The following DCDC1 variants were observed in gnomAD, a reference collection of about 807,000 sequenced individuals.
DCDC1 encodes the protein doublecortin domain-containing protein 1.
DCDC1 carries 200 observed loss-of-function variants against 178.3 expected under a neutral mutation model. The ratio of observed to expected loss-of-function variants is 1.12; its 90% confidence interval spans 1.00 to 1.26. DCDC1 has a LOEUF of 1.26. Ranked by LOEUF, DCDC1 falls within the 50% of genes most tolerant of loss-of-function variation. The probability of loss-of-function intolerance (pLI) is 0.00; values close to 1 mark genes in which losing one functional copy is unlikely to be tolerated. For synonymous variants in DCDC1, 690 were observed against 604.8 expected (o/e 1.14, Z -2.07); for missense variants, 1,983 against 1,749.2 (o/e 1.13, Z -2.38).
chr11:31,020,475 T>C (rs1952794842), intron 20 of DCDC1, among the ~76,000 whole-genome samples: 1 of 152,174 alleles, frequency 6.6e-6, no homozygotes, highest in South Asian at 2.1e-4. Context: ...TTAGATCAAC[T>C]CTCCCCCATC....
chr11:31,202,439 C>T (rs551489206), intron 9 of DCDC1, among the ~76,000 whole-genome samples: 1 of 151,830 alleles, frequency 6.6e-6, no homozygotes, highest in African/African-American at 2.4e-5. Context: ...ACTGTGGTGG[C>T]ATTTGCTTGT....
Position 30,903,604 on chromosome 11 carries a change from A to G in DCDC1, c.4388T>C (p.Phe1463Ser). ...KVYTKDGTPI[F>S]TLRDLVLWAL... ...CCATAAAACCAAATCACGCAAGGTA[A>G]AGATTGGGGTTCCATCTTTGGTATA... Residue 1463 changes from phenylalanine to serine, a missense_variant, in exon 32 of 39, where the codon TTT becomes TCT. By Grantham distance (155) the Phe-to-Ser change is radical. Coordinates refer to ENST00000684477, the MANE Select transcript of DCDC1 (RefSeq NM_001387274.1). 1 of 1,611,220 alleles carries G rather than the reference A, an allele frequency of 6.2e-7. No homozygotes were observed. The highest frequency in any genetic ancestry group is 1.1e-5 in the South Asian group (1 of 90,286).
intron 9 of DCDC1, among the ~76,000 whole-genome samples, chr11:31,139,839 C>A (rs1332744704): frequency 6.6e-6 from 1 of 151,966 alleles, no homozygotes; most frequent in Non-Finnish European, 1.5e-5. Flanking sequence ...GGAAAACAGA[C>A]CAATGCTACT....
chr11:31,284,974 G>A (rs1946710300), intron 7 of DCDC1, among the ~76,000 whole-genome samples: 1 of 151,934 alleles, frequency 6.6e-6, no homozygotes. Context: ...ATAATATTAA[G>A]GACTATCCTT....
At chr11:31,052,775 C>A (rs1429870249) in intron 20 of DCDC1, among the ~76,000 whole-genome samples, 1 of 152,118 alleles carries the variant, frequency 6.6e-6, no homozygotes, top group Non-Finnish European at 1.5e-5. Flanking sequence ...TTTAAACATT[C>A]TTTGAGCTGA....
intron 9 of DCDC1, among the ~76,000 whole-genome samples, chr11:31,201,813 G>A (rs1343098076): frequency 2.6e-5 from 4 of 152,048 alleles, no homozygotes; most frequent in Admixed American, 1.3e-4. Context: ...AAGACAGTTG[G>A]GAGGAAAGAA....
At chr11:31,019,802 T>G (rs1164888136) in intron 20 of DCDC1, among the ~76,000 whole-genome samples, 1 of 152,160 alleles carries the variant, frequency 6.6e-6, no homozygotes, top group East Asian at 1.9e-4. Flanking sequence ...CTTTTCTGTA[T>G]TTAGAATAAA....
intron 9 of DCDC1, among the ~76,000 whole-genome samples, chr11:31,146,328 T>G (rs1032663957): frequency 3.9e-5 from 6 of 152,104 alleles, no homozygotes; most frequent in Non-Finnish European, 8.8e-5. Flanking sequence ...TCAGGTGATC[T>G]GCCCACCTTG....
At position 30,878,680 on chromosome 11, in the gene DCDC1, A is replaced by G. The variant is rs1942365962; in HGVS notation, c.5265T>C (p.Asn1755=). 1.2e-6 allele frequency: 2 copies of G among 1,606,390 alleles called. No individual in the cohort carries two copies. The highest frequency in any genetic ancestry group is 1.7e-6 in the Non-Finnish European group (2 of 1,176,826). Residue 1755 remains asparagine, a synonymous_variant, in exon 38 of 39, where the codon AAT becomes AAC. Coordinates refer to ENST00000684477, the MANE Select transcript of DCDC1 (RefSeq NM_001387274.1). ...CCTGCTGCCTTCGGATTCTGGCATAATTTGCTCTGATCTCCATCAGTTGTT... is the reference window on the plus strand; with the variant it reads ...CCTGCTGCCTTCGGATTCTGGCATAGTTTGCTCTGATCTCCATCAGTTGTT... ...ELKQLMEIRA[N]YARIRRQQGP...
At chr11:30,905,913 C>A (rs1445522945) in intron 30 of DCDC1, among the ~76,000 whole-genome samples, 1 of 152,144 alleles carries the variant, frequency 6.6e-6, no homozygotes. Flanking sequence ...AAGAGCACAC[C>A]AGACTGGAAG....
At chr11:31,249,529 C>T (rs1480174116) in intron 8 of DCDC1, among the ~76,000 whole-genome samples, 1 of 152,084 alleles carries the variant, frequency 6.6e-6, no homozygotes, top group East Asian at 1.9e-4. Flanking sequence ...CTAGAAGACC[C>T]TGAGGACCAT....
At chr11:30,945,200 C>T (rs373885206) in intron 21 of DCDC1, among the ~76,000 whole-genome samples, 3 of 151,598 alleles carry the variant, frequency 2.0e-5, no homozygotes, top group African/African-American at 7.3e-5. Flanking sequence ...AACTCCTGAC[C>T]TCATGATCTG....
chr11:30,866,663 G>A (rs928389083), intron 38 of DCDC1, among the ~76,000 whole-genome samples: 8 of 152,136 alleles, frequency 5.3e-5, no homozygotes, highest in Non-Finnish European at 1.0e-4. Context: ...AATCAGTGCT[G>A]CCAACACCTT....
In DCDC1 at chr11:30,903,626, T is replaced by C. The variant is rs1944860174; in HGVS notation, c.4366A>G (p.Thr1456Ala). ...GLARAASKVY[T>A]KDGTPIFTLR... ...GTAAAGATTGGGGTTCCATCTTTGGTATATACTTTGGAGGCTGCTCTGGCA... is the reference window on the plus strand; with the variant it reads ...GTAAAGATTGGGGTTCCATCTTTGGCATATACTTTGGAGGCTGCTCTGGCA... The change falls in exon 32 of 39, where the codon ACC (threonine) becomes GCC (alanine). Residue 1456 changes from threonine (T) to alanine (A), a missense_variant. Coordinates refer to ENST00000684477, the MANE Select transcript of DCDC1 (RefSeq NM_001387274.1). The C allele has an allele frequency of 6.2e-7, 1 of 1,611,434 alleles. No homozygotes were observed. The highest frequency in any genetic ancestry group is 1.7e-5 in the Admixed American group (1 of 59,688).
chr11:31,232,198 C>T (rs761414870), intron 9 of DCDC1, among the ~76,000 whole-genome samples: 5 of 152,148 alleles, frequency 3.3e-5, no homozygotes, highest in East Asian at 1.9e-4. Context: ...CCAGATCATG[C>T]CCCCAACATG....
At chr11:31,107,381 C>A (rs1410073984) in intron 12 of DCDC1, among the ~76,000 whole-genome samples, 2 of 152,158 alleles carry the variant, frequency 1.3e-5, no homozygotes, top group African/African-American at 2.4e-5. Context: ...CTGTCCCCAG[C>A]AAATCTCAGG....
intron 1 of DCDC1, among the ~76,000 whole-genome samples, chr11:31,356,881 A>C (rs1951404589): frequency 6.6e-6 from 1 of 152,132 alleles, no homozygotes; most frequent in Non-Finnish European, 1.5e-5. Flanking sequence ...CCCAAGACTA[A>C]ACCAGGAAGA....
chr11:31,200,237 T>C (rs1971130505), intron 9 of DCDC1, among the ~76,000 whole-genome samples: 1 of 152,086 alleles, frequency 6.6e-6, no homozygotes, highest in Admixed American at 6.6e-5. Flanking sequence ...TAAAACTGTC[T>C]AAAGATGTGT....
At chr11:31,141,490 C>T (rs1963825795) in intron 9 of DCDC1, among the ~76,000 whole-genome samples, 1 of 152,046 alleles carries the variant, frequency 6.6e-6, no homozygotes, top group South Asian at 2.1e-4. Context: ...ATAAAATGTG[C>T]TTAATGAATC....
Sources: allele counts gnomAD v4.1 joint callset (sites outside exome capture counted in the v4.1 genomes callset), GRCh38; gene constraint gnomAD v4.1.1; transcripts MANE v1.5; gene names NCBI Gene and HGNC (gene_info 2026-07-23, HGNC 2026-07-21).